The following CXADR variants were observed in gnomAD, a reference collection of about 807,000 sequenced individuals.
The protein encoded by CXADR is CXADR cell adhesion molecule.
Under a neutral mutation model 40.3 loss-of-function variants are expected in CXADR, and 20 were observed. The observed-to-expected ratio is 0.50, with a 90% CI of 0.35 to 0.72. The LOEUF is 0.72. CXADR is among the 30% of genes least tolerant of loss of function. CXADR has a pLI of 0.01. For missense variants in CXADR, 332 were observed against 449.1 expected (o/e 0.74, Z 2.36); for synonymous variants, 150 against 161.3 (o/e 0.93, Z 0.53).
At chr21:17,525,771 ACT>A (rs2060591035) in intron 1 of CXADR, among the ~76,000 whole-genome samples, 1 of 152,160 alleles carries the variant, frequency 6.6e-6, no homozygotes, top group South Asian at 2.1e-4. Flanking sequence ...ATTTAGAGCC[ACT>A]CTCTTAACCT....
downstream of CXADR, among the ~76,000 whole-genome samples, chr21:17,573,148 C>T (rs1052981161): frequency 4.6e-5 from 7 of 152,112 alleles, no homozygotes; most frequent in African/African-American, 1.7e-4. Context: ...TTTTCTCCAT[C>T]TCTCTTCCCT....
chr21:17,590,147 T>C (rs2061424803), intron 7 of CXADR, among the ~76,000 whole-genome samples: 2 of 152,128 alleles, frequency 1.3e-5, no homozygotes, highest in South Asian at 4.1e-4. Flanking sequence ...ATTAGTATTT[T>C]TAAGTCCTAT....
chr21:17,536,731 G>C (rs570592090), intron 1 of CXADR, among the ~76,000 whole-genome samples: 1 of 152,206 alleles, frequency 6.6e-6, no homozygotes, highest in East Asian at 1.9e-4. Context: ...GAACTTCTGA[G>C]ATGAGCTGAC....
intron 5 of CXADR, 50 bp downstream of exon 5, chr21:17,560,874 C>G: frequency 6.2e-7 from 1 of 1,603,862 alleles, no homozygotes; most frequent in East Asian, 2.2e-5. Context: ...ATCTTTATAC[C>G]ACCTCCTTTA....
intron 1 of CXADR, among the ~76,000 whole-genome samples, chr21:17,531,748 T>C (rs537518921): frequency 6.6e-6 from 1 of 152,200 alleles, no homozygotes; most frequent in South Asian, 2.1e-4. Flanking sequence ...TAACGATAAG[T>C]GTGCCAATGT....
intron 6 of CXADR, among the ~76,000 whole-genome samples, chr21:17,562,298 T>G (rs139104259): frequency 6.6e-6 from 1 of 151,550 alleles, no homozygotes; most frequent in East Asian, 1.9e-4. Context: ...CTATGGCAAT[T>G]TCTTTCTTTG....
intron 3 of CXADR, among the ~76,000 whole-genome samples, chr21:17,558,743 G>T (rs943238547): frequency 6.6e-6 from 1 of 152,126 alleles, no homozygotes; most frequent in African/African-American, 2.4e-5. Flanking sequence ...CTATGCCTGA[G>T]ATATTGCCAT....
At chr21:17,543,019 T>C (rs74847020) in intron 1 of CXADR, 3,860 of 364,228 alleles carry the variant, frequency 0.011, 141 homozygotes, top group African/African-American at 0.07. Flanking sequence ...TTTTAATTCA[T>C]TTCTAGTGCA....
the CXADR span, chr21:17,612,018 G>T: frequency 1.3e-5 from 2 of 152,398 alleles, no homozygotes; most frequent in African/African-American, 2.4e-5. Context: ...TTTTCCAAGG[G>T]GCTAAGAGTT....
At chr21:17,590,088 T>G (rs2123403874) in intron 7 of CXADR, among the ~76,000 whole-genome samples, 1 of 152,200 alleles carries the variant, frequency 6.6e-6, no homozygotes, top group African/African-American at 2.4e-5. Context: ...TATATATGTA[T>G]ACACACAAAT....
At chr21:17,630,326 C>T in the CXADR span, among the ~76,000 whole-genome samples, 7 of 152,220 alleles carry the variant, frequency 4.6e-5, no homozygotes, top group East Asian at 9.6e-4. Context: ...GTCACACTTG[C>T]GTAATTGCTT....
At chr21:17,623,428 A>T in the CXADR span, among the ~76,000 whole-genome samples, 1 of 152,192 alleles carries the variant, frequency 6.6e-6, no homozygotes, top group Non-Finnish European at 1.5e-5. Flanking sequence ...AGAAAAAAAA[A>T]ATTTAATGTA....
downstream of CXADR, among the ~76,000 whole-genome samples, chr21:17,595,697 A>C (rs1350718435): frequency 6.7e-6 from 1 of 148,220 alleles, no homozygotes; most frequent in African/African-American, 2.6e-5. Context: ...TTAAAAAAAC[A>C]ATGATACACA....
At chr21:17,621,996 A>G in the CXADR span, among the ~76,000 whole-genome samples, 212 of 152,364 alleles carry the variant, frequency 1.4e-3, 1 homozygote, top group African/African-American at 4.9e-3. Context: ...GAAGTTTCAC[A>G]GGCTTATGAG....
intron 3 of CXADR, among the ~76,000 whole-genome samples, chr21:17,553,365 TAG>T (rs2060994037): frequency 6.6e-6 from 1 of 152,204 alleles, no homozygotes; most frequent in Non-Finnish European, 1.5e-5. Flanking sequence ...TCTTGGTAGA[TAG>T]ACTCTGCTGG....
the CXADR span, among the ~76,000 whole-genome samples, chr21:17,631,603 A>G: frequency 1.3e-5 from 2 of 152,222 alleles, no homozygotes; most frequent in Non-Finnish European, 2.9e-5. Flanking sequence ...AATCAGTGCC[A>G]ACTCCAGTGA....
At chr21:17,522,209 C>T (rs211957) in intron 1 of CXADR, among the ~76,000 whole-genome samples, 2,151 of 151,714 alleles carry the variant, frequency 0.014, 54 homozygotes, top group African/African-American at 0.048. Context: ...AGTGCAATGG[C>T]GCGATCTCGA....
chr21:17,604,195 C>A, the CXADR span: 8 of 1,187,504 alleles, frequency 6.7e-6, no homozygotes, highest in Non-Finnish European at 8.8e-6. Flanking sequence ...TGTAATCCAG[C>A]GCTTTGGGAG....
rs1363187473 is a variant in CXADR at position 17,565,853 on chromosome 21, A to T, written c.*161A>T. On this transcript the variant is annotated 3_prime_UTR_variant, in exon 7 of 7. Coordinates refer to ENST00000284878, the MANE Select transcript of CXADR (RefSeq NM_001338.5). Reference sequence around the variant, plus strand: ...TATTTTTAAAAATTTTTGTTTGGTTATATCGAAATAGTTACAGGCACTAAA... The same window carrying T: ...TATTTTTAAAAATTTTTGTTTGGTTTTATCGAAATAGTTACAGGCACTAAA... 5 of 1,319,470 alleles carry T rather than the reference A, an allele frequency of 3.8e-6. No homozygotes were observed. The highest frequency in any genetic ancestry group is 1.5e-5 in the African/African-American group (1 of 66,842). The allele number at this position is 1,319,470 out of a possible 1,614,324, so 81.7% of individuals were successfully genotyped here.
Sources: allele counts gnomAD v4.1 joint callset (sites outside exome capture counted in the v4.1 genomes callset), GRCh38; gene constraint gnomAD v4.1.1; transcripts MANE v1.5; gene names NCBI Gene and HGNC (gene_info 2026-07-23, HGNC 2026-07-21).